The following FAAH2 variants were observed in gnomAD, a reference collection of about 807,000 sequenced individuals.
FAAH2 encodes the protein fatty acid amide hydrolase 2.
FAAH2 carries 60 observed loss-of-function variants against 36.9 expected under a neutral mutation model. The ratio of observed to expected loss-of-function variants is 1.63; its 90% CI spans 1.32 to 2.02. The LOEUF is 2.02. FAAH2 is among the 30% of genes most tolerant of loss of function. The pLI is 0.00. For synonymous variants in FAAH2, 214 were observed against 143.8 expected, an observed-to-expected ratio of 1.49 and a Z score of -3.49; for missense variants, 689 against 397.5, an observed-to-expected ratio of 1.73 and a Z score of -6.23.
At chrX:57,349,462 C>T (rs1163233351) in intron 5 of FAAH2, among the ~76,000 whole-genome samples, 3 of 97,004 alleles carry the variant, frequency 3.1e-5, no homozygotes, top group South Asian at 4.6e-4. Context: ...CATATATATA[C>T]ATACATGCAT....
intron 10 of FAAH2, among the ~76,000 whole-genome samples, chrX:57,472,741 T>C (rs926605727): frequency 9.0e-6 from 1 of 111,341 alleles, no homozygotes. Context: ...TTCTTGCTAG[T>C]TCAATCTTGA....
rs191076595 is a variant in FAAH2, at chrX:57,479,096, G to T, written c.1424-9661G>T. Among the ~76,000 whole-genome samples the T allele has an allele frequency of 8.3e-3, 925 of 111,622 alleles. 10 individuals are homozygous for T. The highest frequency in any genetic ancestry group is 0.029 in the African/African-American group (880 of 30,710). ...CCTTGGGCAGTTTGGCCATTTTCAC[G>T]ATATTGATTCTTCCTACCAATGAGT... On this transcript the variant is annotated intron_variant, in intron 10 of 10. Coordinates refer to ENST00000374900, the MANE Select transcript of FAAH2 (RefSeq NM_174912.4).
intron 4 of FAAH2, among the ~76,000 whole-genome samples, chrX:57,334,587 G>A (rs890832113): frequency 1.8e-5 from 2 of 111,152 alleles, no homozygotes; most frequent in Admixed American, 9.6e-5. Flanking sequence ...ATTGATTGCT[G>A]TAACATGTAA....
At chrX:57,257,237 G>A in the FAAH2 span, among the ~76,000 whole-genome samples, 5 of 111,935 alleles carry the variant, frequency 4.5e-5, no homozygotes, top group Admixed American at 9.4e-5. Flanking sequence ...AAAGACACAT[G>A]CACATGTATT....
chrX:57,472,868 T>C (rs1249206984), intron 10 of FAAH2, among the ~76,000 whole-genome samples: 1 of 111,605 alleles, frequency 9.0e-6, no homozygotes, highest in Non-Finnish European at 1.9e-5. Context: ...TAAGTTGTAA[T>C]ATCACCTTCA....
chrX:57,455,742 C>T (rs2056854424), intron 10 of FAAH2, among the ~76,000 whole-genome samples: 1 of 112,136 alleles, frequency 8.9e-6, no homozygotes, highest in South Asian at 3.6e-4. Flanking sequence ...TTCAATTCAA[C>T]AGGAAGTCTT....
the FAAH2 span, among the ~76,000 whole-genome samples, chrX:57,258,852 G>A: frequency 1.9e-5 from 2 of 107,199 alleles, no homozygotes; most frequent in Non-Finnish European, 3.8e-5. Flanking sequence ...GGGACTACAG[G>A]CACCTGCCAC....
At chrX:57,362,583 T>C (rs1287165195) in intron 5 of FAAH2, among the ~76,000 whole-genome samples, 1 of 111,890 alleles carries the variant, frequency 8.9e-6, no homozygotes, top group African/African-American at 3.3e-5. Flanking sequence ...TCTTTTGCTG[T>C]GCAAAAGCTC....
At chrX:57,459,576 A>G (rs1436601990) in intron 10 of FAAH2, among the ~76,000 whole-genome samples, 1 of 112,169 alleles carries the variant, frequency 8.9e-6, no homozygotes, top group African/African-American at 3.2e-5. Context: ...AGGGTTTGAC[A>G]GACACCTCAT....
chrX:57,283,700 CCT>C (rs2051775332), upstream of FAAH2, among the ~76,000 whole-genome samples: 1 of 110,800 alleles, frequency 9.0e-6, no homozygotes, highest in Admixed American at 9.5e-5. Flanking sequence ...AGACTGGGCT[CCT>C]CTCTGTATGG....
the FAAH2 span, among the ~76,000 whole-genome samples, chrX:57,226,042 G>A: frequency 3.6e-5 from 4 of 111,939 alleles, no homozygotes; most frequent in East Asian, 2.8e-4. Context: ...TTTGTGTTAG[G>A]TGAGTCTCCT....
rs781094390 is a variant in FAAH2, at chrX:57,367,814, G to T, written c.743-10837G>T. 1.1e-4 allele frequency among the ~76,000 whole-genome samples: 12 copies of T among 112,105 alleles called. No individual in the cohort carries two copies. The South Asian group carries it at 2.2e-3, about 21-fold the overall frequency. On this transcript the variant is annotated intron_variant, in intron 5 of 10. Coordinates refer to ENST00000374900, the MANE Select transcript of FAAH2 (RefSeq NM_174912.4). Reference sequence around the variant, plus strand: ...GCAGTCCTTCCTGCTGAAGAATCCTGCAGTTCTCACAGATGCTGAGCCAAG... The same window carrying T: ...GCAGTCCTTCCTGCTGAAGAATCCTTCAGTTCTCACAGATGCTGAGCCAAG...
chrX:57,247,970 G>A, the FAAH2 span, among the ~76,000 whole-genome samples: 1 of 112,073 alleles, frequency 8.9e-6, no homozygotes. Flanking sequence ...AAATTTATTA[G>A]AAGTGTTTTA....
chrX:57,194,500 ATTTC>A, the FAAH2 span, among the ~76,000 whole-genome samples: 1 of 109,575 alleles, frequency 9.1e-6, no homozygotes, highest in Non-Finnish European at 1.9e-5. Context: ...AATTTTATTT[ATTTC>A]TTCTCTAATG....
the FAAH2 span, among the ~76,000 whole-genome samples, chrX:57,176,101 G>A: frequency 9.0e-6 from 1 of 111,153 alleles, no homozygotes; most frequent in East Asian, 2.8e-4. Context: ...TGAGCTTCTT[G>A]TATTTGCATG....
At chrX:57,434,048 A>ATTG (rs1404876966) in intron 8 of FAAH2, among the ~76,000 whole-genome samples, 1 of 108,516 alleles carries the variant, frequency 9.2e-6, no homozygotes, top group Non-Finnish European at 1.9e-5. Flanking sequence ...AAATCAAAAT[A>ATTG]TTGACTTTAA....
At chrX:57,366,490 G>C (rs745821545) in intron 5 of FAAH2, among the ~76,000 whole-genome samples, 1 of 112,500 alleles carries the variant, frequency 8.9e-6, no homozygotes, top group Admixed American at 9.4e-5. Context: ...ACTCCAGTGG[G>C]CTTGTGGTCA....
At chrX:57,400,698 C>T (rs778836091) in intron 7 of FAAH2, among the ~76,000 whole-genome samples, 36 of 112,580 alleles carry the variant, frequency 3.2e-4, no homozygotes, top group Admixed American at 2.0e-3. Context: ...CCAGTGTAGG[C>T]TGAATGCATT....
At chrX:57,395,070 C>T (rs1385588932) in intron 7 of FAAH2, 1 of 549,677 alleles carries the variant, frequency 1.8e-6, no homozygotes, top group African/African-American at 2.3e-5. Flanking sequence ...GGTGCAATAG[C>T]ATTGATCACT....
Sources: gnomAD v4.1 joint callset for allele counts (sites outside exome capture counted in the v4.1 genomes callset) on GRCh38, gnomAD v4.1.1 for gene constraint, MANE v1.5 for transcripts, NCBI Gene and HGNC (gene_info 2026-07-23, HGNC 2026-07-21) for gene names.